The following RPS6KC1 variants were observed in gnomAD, a reference collection of about 807,000 sequenced individuals.
RPS6KC1 encodes the protein ribosomal protein S6 kinase C1.
A neutral mutation model predicts 103.8 loss-of-function variants in RPS6KC1; 54 were observed. That is an observed-to-expected ratio of 0.52 (90% CI 0.42 to 0.65). The LOEUF (loss-of-function observed/expected upper bound fraction) is 0.65. RPS6KC1 is among the 30% of genes least tolerant of loss of function. The pLI is 0.00. For synonymous variants in RPS6KC1, 439 were observed against 438.7 expected, an observed-to-expected ratio of 1.00 and a Z score of -0.01; for missense variants, 1,151 against 1,253.8, an observed-to-expected ratio of 0.92 and a Z score of 1.24.
the RPS6KC1 span, among the ~76,000 whole-genome samples, chr1:213,513,422 C>T: frequency 6.6e-6 from 1 of 151,866 alleles, no homozygotes; most frequent in Non-Finnish European, 1.5e-5. Context: ...TAATATAGTA[C>T]CCAAGGTGGT....
intron 12 of RPS6KC1, among the ~76,000 whole-genome samples, chr1:213,257,146 A>G (rs2094665768): frequency 6.6e-6 from 1 of 151,774 alleles, no homozygotes. Context: ...TCAAGAACAC[A>G]CTCTCCCTCG....
At chr1:213,131,167 G>C (rs1332689160) in intron 6 of RPS6KC1, among the ~76,000 whole-genome samples, 1 of 152,066 alleles carries the variant, frequency 6.6e-6, no homozygotes, top group Non-Finnish European at 1.5e-5. Flanking sequence ...TTAATGTTTT[G>C]TGTGTATAGC....
intron 6 of RPS6KC1, among the ~76,000 whole-genome samples, chr1:213,148,966 G>C (rs1481446797): frequency 6.6e-6 from 1 of 152,056 alleles, no homozygotes; most frequent in Non-Finnish European, 1.5e-5. Flanking sequence ...TTGACATATA[G>C]TTGCACATAT....
At chr1:213,270,840 T>A (rs1014603608) in intron 14 of RPS6KC1, among the ~76,000 whole-genome samples, 1 of 152,162 alleles carries the variant, frequency 6.6e-6, no homozygotes, top group African/African-American at 2.4e-5. Flanking sequence ...GAAAAGATGC[T>A]CAACATTATT....
the RPS6KC1 span, among the ~76,000 whole-genome samples, chr1:213,466,852 T>C: frequency 2.0e-5 from 3 of 152,116 alleles, no homozygotes; most frequent in African/African-American, 7.2e-5. Flanking sequence ...CTTTCATATG[T>C]GAAGATGTCC....
chr1:213,786,430 C>G, the RPS6KC1 span, among the ~76,000 whole-genome samples: 1 of 152,132 alleles, frequency 6.6e-6, no homozygotes, highest in African/African-American at 2.4e-5. Context: ...AAATGAAATT[C>G]TATCATAGTA....
At chr1:213,531,513 G>A in the RPS6KC1 span, among the ~76,000 whole-genome samples, 1 of 152,200 alleles carries the variant, frequency 6.6e-6, no homozygotes, top group Admixed American at 6.5e-5. Flanking sequence ...GGTAAGGTCA[G>A]TAACTTTCTC....
At chr1:213,670,677 G>T in the RPS6KC1 span, among the ~76,000 whole-genome samples, 1 of 152,300 alleles carries the variant, frequency 6.6e-6, no homozygotes, top group East Asian at 1.9e-4. Context: ...GGCTGCACCT[G>T]CCAGGCAAGG....
At chr1:213,726,877 A>T in the RPS6KC1 span, among the ~76,000 whole-genome samples, 1 of 152,256 alleles carries the variant, frequency 6.6e-6, no homozygotes, top group African/African-American at 2.4e-5. Context: ...TAGCTATGGG[A>T]TGATGTGCTG....
chr1:213,084,180 T>C (rs539061759), intron 3 of RPS6KC1, among the ~76,000 whole-genome samples: 347 of 152,248 alleles, frequency 2.3e-3, no homozygotes, highest in African/African-American at 8.1e-3. Flanking sequence ...TCTCTCTCCC[T>C]CTTCCCCTTT....
the RPS6KC1 span, among the ~76,000 whole-genome samples, chr1:213,566,437 G>C: frequency 1.2e-4 from 6 of 48,490 alleles, no homozygotes; most frequent in African/African-American, 4.3e-4. Flanking sequence ...TCAGCCTTTA[G>C]TTTTTTTTTT....
chr1:213,180,522 A>G (rs1319183645), intron 8 of RPS6KC1, among the ~76,000 whole-genome samples: 1 of 152,230 alleles, frequency 6.6e-6, no homozygotes, highest in Admixed American at 6.5e-5. Context: ...CATTCAAGTG[A>G]AGGCTGAAAG....
At chr1:213,338,206 G>A in the RPS6KC1 span, among the ~76,000 whole-genome samples, 10 of 152,280 alleles carry the variant, frequency 6.6e-5, no homozygotes, top group East Asian at 1.9e-3. Flanking sequence ...CTCACATCAA[G>A]TCCAAACACC....
chr1:213,109,516 G>A (rs2082813148), intron 4 of RPS6KC1, among the ~76,000 whole-genome samples: 1 of 152,076 alleles, frequency 6.6e-6, no homozygotes, highest in African/African-American at 2.4e-5. Context: ...AAATTTATTT[G>A]TAAGCATTTT....
chr1:213,556,501 C>T, the RPS6KC1 span, among the ~76,000 whole-genome samples: 1 of 152,136 alleles, frequency 6.6e-6, no homozygotes, highest in African/African-American at 2.4e-5. Context: ...AGCAGGCTTA[C>T]CTAGGCTGCT....
chr1:213,510,885 C>T, the RPS6KC1 span, among the ~76,000 whole-genome samples: 6 of 152,046 alleles, frequency 3.9e-5, no homozygotes, highest in Non-Finnish European at 8.8e-5. Context: ...TAGCCCAGGG[C>T]CGAAGTCATA....
the RPS6KC1 span, among the ~76,000 whole-genome samples, chr1:213,439,852 A>AGAGAGAGAGAGAAG: frequency 4.6e-5 from 7 of 152,044 alleles, no homozygotes; most frequent in African/African-American, 1.7e-4. Flanking sequence ...AGAGTGGGAG[A>AGAGAGAGAGAGAAG]GAGAGAGAGA....
the RPS6KC1 span, among the ~76,000 whole-genome samples, chr1:213,760,761 C>T: frequency 3.3e-5 from 5 of 151,448 alleles, no homozygotes; most frequent in Non-Finnish European, 7.4e-5. Flanking sequence ...GTAGATCTAG[C>T]CTTCTGATTC....
chr1:213,791,958 G>A, the RPS6KC1 span, among the ~76,000 whole-genome samples: 4 of 152,164 alleles, frequency 2.6e-5, no homozygotes, highest in African/African-American at 9.7e-5. Flanking sequence ...CACATAGTAC[G>A]CCATGTTCAG....
Sources: gnomAD v4.1 joint callset for allele counts (sites outside exome capture counted in the v4.1 genomes callset) on GRCh38, gnomAD v4.1.1 for gene constraint, MANE v1.5 for transcripts, NCBI Gene and HGNC (gene_info 2026-07-23, HGNC 2026-07-21) for gene names.